NSUN7: variants seen among roughly 807,000 people sequenced by gnomAD.
NSUN7 encodes protein NSUN7.
In NSUN7, 39 loss-of-function variants were observed where a neutral mutation model predicts 58.5. The observed-to-expected ratio is 0.67, with a 90% CI of 0.52 to 0.87. The LOEUF (loss-of-function observed/expected upper bound fraction) is 0.87, where lower values mean the gene tolerates loss of function less well. NSUN7 is among the 40% of genes least tolerant of loss of function. The pLI is 0.00. For synonymous variants in NSUN7, 278 were observed against 303.7 expected (o/e 0.92, Z 0.88); for missense variants, 765 against 844.1 (o/e 0.91, Z 1.16).
chr4:40,786,886 A>G (rs1742850104), intron 7 of NSUN7, among the ~76,000 whole-genome samples: 1 of 152,184 alleles, frequency 6.6e-6, no homozygotes, highest in South Asian at 2.1e-4. Flanking sequence ...GAAGATAAGT[A>G]AATGCAGTGC....
chr4:40,795,084 A>T (rs1445969264), intron 9 of NSUN7, among the ~76,000 whole-genome samples: 1 of 152,192 alleles, frequency 6.6e-6, no homozygotes, highest in Admixed American at 6.5e-5. Context: ...TTCCGTATAT[A>T]TTTATAAAGT....
chr4:40,798,468 T>A (rs1577582852), intron 9 of NSUN7, among the ~76,000 whole-genome samples: 2 of 152,236 alleles, frequency 1.3e-5, no homozygotes, highest in East Asian at 3.8e-4. Flanking sequence ...GCAATATCGC[T>A]TGTAGAAGAA....
chr4:40,803,305 A>C (rs1329260009), intron 10 of NSUN7, among the ~76,000 whole-genome samples: 5 of 152,140 alleles, frequency 3.3e-5, no homozygotes, highest in African/African-American at 1.2e-4. Context: ...TATACCCAGT[A>C]ATGGGATGGC....
chr4:40,794,544 A>G, intron 9 of NSUN7, 68 bp downstream of exon 9: 1 of 909,478 alleles, frequency 1.1e-6, no homozygotes, highest in Non-Finnish European at 1.7e-6. Flanking sequence ...GTCTTTCACG[A>G]TCTATTATAA....
At chr4:40,792,267 C>T (rs1743103244) in intron 8 of NSUN7, among the ~76,000 whole-genome samples, 1 of 152,002 alleles carries the variant, frequency 6.6e-6, no homozygotes, top group Non-Finnish European at 1.5e-5. Context: ...GAGACTCTGG[C>T]CTTATCCTGG....
intron 7 of NSUN7, among the ~76,000 whole-genome samples, chr4:40,780,804 T>C (rs1445685552): frequency 1.4e-4 from 14 of 98,122 alleles, no homozygotes; most frequent in African/African-American, 5.3e-4. Flanking sequence ...TATATATATA[T>C]ATATATATAT....
intron 1 of NSUN7, 103 bp downstream of exon 1, chr4:40,750,403 T>C (rs1740749270): frequency 3.1e-6 from 1 of 320,610 alleles, no homozygotes; most frequent in African/African-American, 2.2e-5. Context: ...GCCGTCGGTC[T>C]CCTTGGGGCT....
chr4:40,771,498 G>C (rs974444223), intron 4 of NSUN7, among the ~76,000 whole-genome samples: 4 of 152,030 alleles, frequency 2.6e-5, no homozygotes, highest in African/African-American at 9.7e-5. Context: ...AGAGAATATG[G>C]AAGAGAGAGA....
intron 4 of NSUN7, among the ~76,000 whole-genome samples, chr4:40,763,326 G>T (rs1452720781): frequency 6.6e-6 from 1 of 152,166 alleles, no homozygotes; most frequent in East Asian, 1.9e-4. Context: ...TGTTTACTTT[G>T]TGTCTGGGGG....
intron 7 of NSUN7, among the ~76,000 whole-genome samples, chr4:40,783,132 C>T (rs913310163): frequency 1.3e-5 from 2 of 152,136 alleles, no homozygotes; most frequent in African/African-American, 2.4e-5. Flanking sequence ...TACACAGCTA[C>T]AGTAATCAAG....
intron 7 of NSUN7, chr4:40,786,745 G>A (rs1742843777): frequency 6.6e-7 from 1 of 1,514,386 alleles, no homozygotes; most frequent in East Asian, 2.3e-5. Flanking sequence ...GTGTGGAGTA[G>A]GTTTTCTCTG....
chr4:40,751,080 C>A, intron 2 of NSUN7, 89 bp downstream of exon 2: 1 of 1,434,938 alleles, frequency 7.0e-7, no homozygotes, highest in Non-Finnish European at 9.5e-7. Flanking sequence ...CCCTTCCCCT[C>A]ATTCACACCA....
At position 40,780,805 on chromosome 4, in the gene NSUN7, ATATATATATTTT is replaced by A. The variant is rs1288967118; in HGVS notation, c.1036+4548_1036+4559del. ...CACACACATACACATATATATATAT[ATATATATATTTT>A]TTTTTTTTTTTTTTTTTTTTGAGAC... On this transcript the variant is annotated intron_variant, in intron 7 of 11. Coordinates refer to ENST00000381782, the MANE Select transcript of NSUN7 (RefSeq NM_024677.6). 4.1e-5 allele frequency among the ~76,000 whole-genome samples: 4 copies of A among 98,718 alleles called. No individual in the cohort carries two copies. The East Asian group carries it at 9.8e-4, about 24-fold the overall frequency. The allele number at this position is 98,718 out of a possible 152,430, so 64.8% of individuals were successfully genotyped here.
intron 2 of NSUN7, 87 bp from the exon 3 acceptor site, chr4:40,760,347 T>C (rs750385786): frequency 1.1e-6 from 1 of 911,686 alleles, no homozygotes; most frequent in Non-Finnish European, 1.8e-6. Context: ...AAATGTATTT[T>C]ATGGCATTAT....
intron 2 of NSUN7, among the ~76,000 whole-genome samples, chr4:40,760,191 C>T (rs1440278589): frequency 1.3e-5 from 2 of 152,194 alleles, no homozygotes; most frequent in Non-Finnish European, 2.9e-5. Flanking sequence ...ACTGCTTTGA[C>T]TATTCAGATA....
chr4:40,768,013 T>G (rs1022565252), intron 4 of NSUN7, among the ~76,000 whole-genome samples: 1 of 152,090 alleles, frequency 6.6e-6, no homozygotes, highest in Non-Finnish European at 1.5e-5. Context: ...GCAGGTCAGG[T>G]GCAGTCTCTC....
intron 2 of NSUN7, among the ~76,000 whole-genome samples, chr4:40,752,742 T>A (rs1017556501): frequency 4.4e-4 from 11 of 25,092 alleles, no homozygotes; most frequent in African/African-American, 7.5e-4. Flanking sequence ...TTTTTAAAAT[T>A]AAAAAAAAAT....
intron 4 of NSUN7, among the ~76,000 whole-genome samples, chr4:40,768,728 G>A (rs575778197): frequency 1.3e-5 from 2 of 151,988 alleles, no homozygotes; most frequent in African/African-American, 4.8e-5. Context: ...CATATGAAAG[G>A]TCTTTAAGAA....
rs571252687 is a variant in NSUN7 at position 40,797,376 on chromosome 4, T to C, written c.1283-1411T>C. ...TCTAAGCTTATATTTCCAGCTGCCT[T>C]CTTGACATCTCCACTTAGGGACTCA... On this transcript the variant is annotated intron_variant, in intron 9 of 11. Coordinates refer to ENST00000381782, the MANE Select transcript of NSUN7 (RefSeq NM_024677.6). Among the ~76,000 whole-genome samples the C allele has an allele frequency of 3.2e-4, 49 of 152,308 alleles. 1 individual carries two copies. The highest frequency in any genetic ancestry group is 1.1e-3 in the African/African-American group (47 of 41,552).
Sources: gnomAD v4.1 joint callset for allele counts (sites outside exome capture counted in the v4.1 genomes callset) on GRCh38, gnomAD v4.1.1 for gene constraint, MANE v1.5 for transcripts, NCBI Gene and HGNC (gene_info 2026-07-23, HGNC 2026-07-21) for gene names.